TXNDC8: variants seen among roughly 807,000 people sequenced by gnomAD.
TXNDC8 encodes the protein thioredoxin domain containing 8.
TXNDC8 carries 15 observed loss-of-function variants against 12.9 expected under a neutral mutation model. That is an observed-to-expected ratio of 1.16 (90% CI 0.78 to 1.79). TXNDC8 has a LOEUF of 1.79. Ranked by LOEUF, TXNDC8 falls within the 40% of genes most tolerant of loss-of-function variation. The probability of loss-of-function intolerance (pLI) is 0.00; values close to 1 mark genes in which losing one functional copy is unlikely to be tolerated. For missense variants in TXNDC8, 128 were observed against 113.2 expected (o/e 1.13, Z -0.59); for synonymous variants, 40 against 35.4 (o/e 1.13, Z -0.46).
intron 3 of TXNDC8, among the ~76,000 whole-genome samples, chr9:110,306,513 G>A (rs7855326): frequency 2.0e-5 from 3 of 151,808 alleles, no homozygotes; most frequent in Admixed American, 6.6e-5. Flanking sequence ...CAAGGTCTCC[G>A]TAATTTTGTC....
At chr9:110,311,951 C>T (rs953797465) in intron 3 of TXNDC8, among the ~76,000 whole-genome samples, 1 of 150,420 alleles carries the variant, frequency 6.6e-6, no homozygotes, top group African/African-American at 2.4e-5. Flanking sequence ...GGCAGTGGCA[C>T]TATCTCTGCT....
intron 1 of TXNDC8, among the ~76,000 whole-genome samples, chr9:110,336,669 G>T (rs970342153): frequency 7.9e-5 from 12 of 152,112 alleles, no homozygotes; most frequent in Admixed American, 7.9e-4. Context: ...TAGGCATTCT[G>T]TCTCCATGGA....
At chr9:110,304,777 A>G (rs1424398855) in intron 3 of TXNDC8, among the ~76,000 whole-genome samples, 1 of 152,234 alleles carries the variant, frequency 6.6e-6, no homozygotes, top group Non-Finnish European at 1.5e-5. Context: ...TGGTGGAAAC[A>G]TAGGCAAGGC....
chr9:110,335,517 C>G (rs1003074846), intron 1 of TXNDC8, among the ~76,000 whole-genome samples: 2 of 152,216 alleles, frequency 1.3e-5, no homozygotes, highest in Non-Finnish European at 2.9e-5. Flanking sequence ...GCCCTATATT[C>G]TCTCCCATAA....
At chr9:110,311,375 CT>C (rs1564095935) in intron 3 of TXNDC8, among the ~76,000 whole-genome samples, 1 of 150,466 alleles carries the variant, frequency 6.6e-6, no homozygotes, top group African/African-American at 2.4e-5. Flanking sequence ...GGAAAACATT[CT>C]TTTTTAAAGA....
intron 3 of TXNDC8, 26 bp from the exon 5 acceptor site, chr9:110,304,558 A>T: frequency 6.3e-7 from 1 of 1,588,796 alleles, no homozygotes; most frequent in South Asian, 1.1e-5. Flanking sequence ...GAATTTCATA[A>T]TTTATCTGAG....
At chr9:110,309,520 G>A (rs1838583303) in intron 3 of TXNDC8, among the ~76,000 whole-genome samples, 1 of 152,122 alleles carries the variant, frequency 6.6e-6, no homozygotes, top group African/African-American at 2.4e-5. Flanking sequence ...ATTTTTAGTA[G>A]AGACAGGGTT....
intron 2 of TXNDC8, among the ~76,000 whole-genome samples, chr9:110,327,279 G>A (rs1037046465): frequency 6.6e-6 from 1 of 151,682 alleles, no homozygotes; most frequent in Admixed American, 6.6e-5. Flanking sequence ...AAGGGAAATG[G>A]AAATTTTGTT....
At chr9:110,304,228 A>G (rs1193490840) in intron 4 of TXNDC8, among the ~76,000 whole-genome samples, 2 of 152,120 alleles carry the variant, frequency 1.3e-5, no homozygotes, top group Non-Finnish European at 2.9e-5. Context: ...TTGGGTGAAA[A>G]CTTGAGTTCC....
chr9:110,308,222 G>A (rs1437453597), intron 3 of TXNDC8, among the ~76,000 whole-genome samples: 1 of 152,152 alleles, frequency 6.6e-6, no homozygotes, highest in African/African-American at 2.4e-5. Flanking sequence ...TTTTTTTAGA[G>A]TTTTACTTGC....
downstream of TXNDC8, among the ~76,000 whole-genome samples, chr9:110,301,721 T>G (rs1316152473): frequency 3.9e-5 from 6 of 152,190 alleles, no homozygotes; most frequent in Admixed American, 1.3e-4. Context: ...TAAAGGATGA[T>G]TCAGATGAAA....
chr9:110,302,514 C>T (rs117323319), downstream of TXNDC8, among the ~76,000 whole-genome samples: 324 of 152,322 alleles, frequency 2.1e-3, no homozygotes, highest in East Asian at 6.9e-3. Flanking sequence ...GGAAAGCCAG[C>T]TCCACTCTGT....
downstream of TXNDC8, among the ~76,000 whole-genome samples, chr9:110,303,319 T>C (rs1252693908): frequency 6.6e-6 from 1 of 152,098 alleles, no homozygotes; most frequent in Non-Finnish European, 1.5e-5. Context: ...GAAGCCCAAG[T>C]TGGAGAATGG....
chr9:110,308,248 C>T (rs1339738941), intron 3 of TXNDC8, among the ~76,000 whole-genome samples: 6 of 152,128 alleles, frequency 3.9e-5, no homozygotes, highest in African/African-American at 1.2e-4. Context: ...ACAAGGAAGG[C>T]AAGATTTCCT....
chr9:110,326,029 C>A, intron 3 of TXNDC8, 146 bp downstream of exon 4: 1 of 779,016 alleles, frequency 1.3e-6, no homozygotes, highest in Non-Finnish European at 2.1e-6. Context: ...ATGTAAAGTA[C>A]AACATACTTG....
intron 3 of TXNDC8, chr9:110,322,384 C>G: frequency 2.0e-6 from 2 of 985,338 alleles, no homozygotes. Context: ...GCAGAAAATT[C>G]AGATTTGAGA....
chr9:110,314,233 T>C (rs1187683544), intron 3 of TXNDC8, among the ~76,000 whole-genome samples: 3 of 152,116 alleles, frequency 2.0e-5, no homozygotes, highest in African/African-American at 4.8e-5. Context: ...TGAGTTGTCC[T>C]GCCTTTCTTG....
rs1003729193 is a variant in TXNDC8, at chr9:110,337,493, T to C, written c.24+280A>G. 2.6e-5 allele frequency among the ~76,000 whole-genome samples: 4 copies of C among 152,140 alleles called. No individual in the cohort carries two copies. The East Asian group carries it at 5.8e-4, about 22-fold the overall frequency. On this transcript the variant is annotated intron_variant, in intron 1 of 4. Coordinates refer to ENST00000423740, the MANE Select transcript of TXNDC8 (RefSeq NM_001286946.2). ...ACGATCCATGGGATCAGATACAGGA[T>C]GGGATGTACTAGGAGCTGGTCTGGG...
At chr9:110,324,706 G>A (rs1839238384) in intron 3 of TXNDC8, among the ~76,000 whole-genome samples, 2 of 152,140 alleles carry the variant, frequency 1.3e-5, no homozygotes, top group African/African-American at 4.8e-5. Flanking sequence ...AAGTTCCCAG[G>A]AATGGGGTAA....
Sources: gnomAD v4.1 joint callset for allele counts (sites outside exome capture counted in the v4.1 genomes callset) on GRCh38, gnomAD v4.1.1 for gene constraint, MANE v1.5 for transcripts, NCBI Gene and HGNC (gene_info 2026-07-23, HGNC 2026-07-21) for gene names.